Variants in KCND2 observed in about 807,000 individuals in gnomAD.
The protein encoded by KCND2 is potassium voltage-gated channel subfamily D member 2.
KCND2 carries 16 observed loss-of-function variants against 54.4 expected under a neutral mutation model. The ratio of observed to expected loss-of-function variants is 0.29; its 90% CI spans 0.20 to 0.45. KCND2 has a LOEUF of 0.45. KCND2 is among the 20% of genes least tolerant of loss of function. The pLI is 1.00. For synonymous variants in KCND2, 317 were observed against 310.7 expected (o/e 1.02, Z -0.21); for missense variants, 486 against 824.2 (o/e 0.59, Z 5.02).
At chr7:120,698,029 T>TA in intron 1 of KCND2, among the ~76,000 whole-genome samples, 1 of 141,274 alleles carries the variant, frequency 7.1e-6, no homozygotes, top group African/African-American at 2.7e-5. Flanking sequence ...GCCCTTTTTT[T>TA]TTTTTTTTTT....
At chr7:120,396,250 A>T (rs146522598) in intron 1 of KCND2, among the ~76,000 whole-genome samples, 2 of 152,052 alleles carry the variant, frequency 1.3e-5, no homozygotes, top group East Asian at 3.9e-4. Flanking sequence ...TAATTGTAAG[A>T]TCTGTTGGTT....
intron 1 of KCND2, among the ~76,000 whole-genome samples, chr7:120,355,762 A>G (rs952983482): frequency 5.3e-5 from 8 of 152,174 alleles, no homozygotes; most frequent in South Asian, 2.1e-4. Context: ...AAGTCAAACC[A>G]TCATAACTAG....
At chr7:120,377,593 A>G (rs58182881) in intron 1 of KCND2, among the ~76,000 whole-genome samples, 1,857 of 152,038 alleles carry the variant, frequency 0.012, 44 homozygotes, top group African/African-American at 0.042. Context: ...GTGTTAAGGT[A>G]ACAGTTTAAG....
chr7:120,706,286 G>A (rs1006635230), intron 1 of KCND2, among the ~76,000 whole-genome samples: 1 of 152,038 alleles, frequency 6.6e-6, no homozygotes, highest in African/African-American at 2.4e-5. Context: ...ATAAATAAGG[G>A]GATTGTTTTA....
intron 1 of KCND2, among the ~76,000 whole-genome samples, chr7:120,379,276 A>T (rs1330641408): frequency 6.6e-6 from 1 of 152,032 alleles, no homozygotes; most frequent in African/African-American, 2.4e-5. Flanking sequence ...TTTCATCCAT[A>T]TGTAATAACA....
intron 1 of KCND2, among the ~76,000 whole-genome samples, chr7:120,670,643 G>A (rs1409437326): frequency 2.0e-5 from 3 of 152,044 alleles, no homozygotes; most frequent in East Asian, 3.9e-4. Flanking sequence ...AGGGCTGGGC[G>A]CGGTGGCTCA....
rs373082898 is a variant in KCND2, at chr7:120,274,708, C to T, written c.76C>T (p.Pro26Ser). The change falls in exon 1 of 6, where the codon CCT becomes TCT. Residue 26 changes from proline (P) to serine (S), a missense_variant. By Grantham distance (74) the Pro-to-Ser change is moderately conservative (BLOSUM62 -1). Transcript: ENST00000331113. ...CGGGTGGATGCCTGTGGCCTCGGGGCCTATGCCGGCTCCCCCGAGGCAGGA... is the reference window on the plus strand; with the variant it reads ...CGGGTGGATGCCTGTGGCCTCGGGGTCTATGCCGGCTCCCCCGAGGCAGGA... ...AIGWMPVASG[P>S]MPAPPRQERK... 3 of 1,613,662 alleles carry T rather than the reference C, an allele frequency of 1.9e-6. No individual in the cohort carries two copies. Among genetic ancestry groups the T allele is most frequent in the African/African-American group, 2.7e-5 (2 of 74,842 alleles).
chr7:120,325,348 G>A (rs1223182787), intron 1 of KCND2, among the ~76,000 whole-genome samples: 1 of 138,162 alleles, frequency 7.2e-6, no homozygotes, highest in Non-Finnish European at 1.6e-5. Context: ...TTGAATAGGA[G>A]TGGTGAGAGA....
rs1301575972 is a variant in KCND2, at chr7:120,627,401, G to T, written c.1116-105502G>T. On this transcript the variant is annotated intron_variant, in intron 1 of 5. Coordinates refer to ENST00000331113, the MANE Select transcript of KCND2 (RefSeq NM_012281.3). ...TTATTCCTTTTATCAATAGCTATGT[G>T]ATTTAATTTATTATCATCCAGTTCA... Among the ~76,000 whole-genome samples the T allele has an allele frequency of 2.6e-5, 4 of 151,928 alleles. No homozygotes were observed. The East Asian group carries it at 7.7e-4, about 29-fold the overall frequency.
At chr7:120,563,628 A>G (rs2116414552) in intron 1 of KCND2, among the ~76,000 whole-genome samples, 1 of 152,286 alleles carries the variant, frequency 6.6e-6, no homozygotes, top group Non-Finnish European at 1.5e-5. Flanking sequence ...GATTTTAAAA[A>G]GCTTAATGAT....
In KCND2 at chr7:120,336,891, T is replaced by A. The variant is rs1429684218; in HGVS notation, c.1115+61144T>A. ...ACCCTAAAACACTAAAATTAAATTT[T>A]AAAAAACTGGTCTAATAAATTAGTT... On this transcript the variant is annotated intron_variant, in intron 1 of 5. Transcript: ENST00000331113. Among the ~76,000 whole-genome samples the A allele has an allele frequency of 2.0e-5, 3 of 152,174 alleles. No homozygotes were observed. The East Asian group carries it at 5.8e-4, about 29-fold the overall frequency.
At chr7:120,736,329 T>C (rs1792870041) in intron 2 of KCND2, among the ~76,000 whole-genome samples, 1 of 152,044 alleles carries the variant, frequency 6.6e-6, no homozygotes, top group African/African-American at 2.4e-5. Flanking sequence ...CTATCAATCA[T>C]TGATAAAGTC....
intron 1 of KCND2, among the ~76,000 whole-genome samples, chr7:120,425,188 T>C (rs1176582535): frequency 6.6e-6 from 1 of 152,184 alleles, no homozygotes; most frequent in Non-Finnish European, 1.5e-5. Flanking sequence ...GAGCATATAA[T>C]GGAGTGAAAA....
At chr7:120,554,852 C>A (rs942716530) in intron 1 of KCND2, among the ~76,000 whole-genome samples, 1 of 152,172 alleles carries the variant, frequency 6.6e-6, no homozygotes, top group Non-Finnish European at 1.5e-5. Flanking sequence ...GCTGATTCCT[C>A]CACAGATGGT....
intron 1 of KCND2, among the ~76,000 whole-genome samples, chr7:120,484,370 G>A (rs1802659845): frequency 1.3e-5 from 2 of 151,936 alleles, no homozygotes; most frequent in African/African-American, 4.8e-5. Context: ...GCTCAGGCTG[G>A]TCCTGAAGTC....
intron 1 of KCND2, among the ~76,000 whole-genome samples, chr7:120,381,276 A>G (rs780538565): frequency 3.3e-5 from 5 of 152,058 alleles, no homozygotes; most frequent in Admixed American, 1.3e-4. Context: ...ATAAACAAAT[A>G]AAGATATTTC....
intron 1 of KCND2, among the ~76,000 whole-genome samples, chr7:120,299,512 T>C (rs1799557543): frequency 1.3e-5 from 2 of 152,310 alleles, no homozygotes; most frequent in South Asian, 2.1e-4. Flanking sequence ...TAGGTTCAGC[T>C]ATGAGTAATA....
At chr7:120,556,737 G>GA (rs532690944) in intron 1 of KCND2, among the ~76,000 whole-genome samples, 2 of 151,620 alleles carry the variant, frequency 1.3e-5, no homozygotes, top group African/African-American at 2.4e-5. Flanking sequence ...AGTATTACCT[G>GA]AAAAAAAATA....
chr7:120,583,223 C>T (rs1792542621), intron 1 of KCND2, among the ~76,000 whole-genome samples: 1 of 152,108 alleles, frequency 6.6e-6, no homozygotes, highest in Admixed American at 6.5e-5. Flanking sequence ...CAGACCAACA[C>T]ATCCTACAGA....
Sources: gnomAD v4.1 joint callset for allele counts (sites outside exome capture counted in the v4.1 genomes callset) on GRCh38, gnomAD v4.1.1 for gene constraint, MANE v1.5 for transcripts, NCBI Gene and HGNC (gene_info 2026-07-23, HGNC 2026-07-21) for gene names.